Variants in STK4 observed in about 807,000 individuals in gnomAD.
STK4 encodes serine/threonine-protein kinase 4.
A neutral mutation model predicts 64.9 loss-of-function variants in STK4; 30 were observed. That is an observed-to-expected ratio of 0.46 (90% CI 0.35 to 0.63). STK4 has a LOEUF of 0.63. STK4 is among the 20% of genes least tolerant of loss of function. The probability of loss-of-function intolerance (pLI) is 0.01; values close to 1 mark genes in which losing one functional copy is unlikely to be tolerated. For missense variants in STK4, 466 were observed against 598.5 expected (o/e 0.78, Z 2.31); for synonymous variants, 177 against 199.0 (o/e 0.89, Z 0.93).
At chr20:44,978,945 T>A (rs1165846776) in intron 3 of STK4, among the ~76,000 whole-genome samples, 1 of 151,978 alleles carries the variant, frequency 6.6e-6, no homozygotes, top group Non-Finnish European at 1.5e-5. Flanking sequence ...ACTACAGGCA[T>A]GTGCCACTAC....
intron 10 of STK4, among the ~76,000 whole-genome samples, chr20:45,054,017 C>T (rs759254396): frequency 2.0e-5 from 3 of 151,920 alleles, no homozygotes; most frequent in African/African-American, 4.8e-5. Flanking sequence ...CTGGATTTTC[C>T]GTTTTGCAGA....
chr20:45,015,754 G>A (rs543462309), intron 9 of STK4, among the ~76,000 whole-genome samples: 5 of 152,086 alleles, frequency 3.3e-5, no homozygotes, highest in Admixed American at 6.5e-5. Flanking sequence ...TTGATCCTCA[G>A]TTTCCTTGTC....
intron 10 of STK4, among the ~76,000 whole-genome samples, chr20:45,054,633 C>T (rs1978327281): frequency 7.1e-6 from 1 of 141,326 alleles, no homozygotes; most frequent in Non-Finnish European, 1.5e-5. Flanking sequence ...GAACCTGATT[C>T]AATTTTGATT....
At chr20:45,004,776 T>C (rs1415747590) in intron 9 of STK4, among the ~76,000 whole-genome samples, 1 of 149,138 alleles carries the variant, frequency 6.7e-6, no homozygotes, top group Non-Finnish European at 1.5e-5. Flanking sequence ...TCTTTTTTCT[T>C]TTTTTTTTTT....
intron 9 of STK4, 24 bp downstream of exon 9, chr20:45,001,377 G>T (rs2067838652): frequency 6.3e-7 from 1 of 1,590,856 alleles, no homozygotes; most frequent in African/African-American, 1.3e-5. Context: ...TAAATTCACT[G>T]ACTTCTTAGA....
chr20:45,062,942 G>A lies in STK4; in HGVS notation c.1306-12076G>A, dbSNP rs193006525. Among the ~76,000 whole-genome samples the A allele has an allele frequency of 4.9e-3, 659 of 134,244 alleles. 8 individuals are homozygous for A. The highest frequency in any genetic ancestry group is 0.018 in the African/African-American group (627 of 35,086). 88.1% of individuals were successfully genotyped at this position (134,244 alleles called of 152,430 possible). On this transcript the variant is annotated intron_variant, in intron 10 of 10. Coordinates refer to ENST00000372806, the MANE Select transcript of STK4 (RefSeq NM_006282.5). ...CCTGACCTCGTGATCCGCCCGCCTC[G>A]GCCTCCCAAAGTGCTGGGATTACAG...
At chr20:45,066,648 G>A (rs974657652) in intron 10 of STK4, among the ~76,000 whole-genome samples, 1 of 152,170 alleles carries the variant, frequency 6.6e-6, no homozygotes, top group African/African-American at 2.4e-5. Context: ...TCTTTGTTTG[G>A]AATTTTGATA....
intron 1 of STK4, among the ~76,000 whole-genome samples, chr20:44,968,580 T>C (rs2067193514): frequency 1.3e-5 from 2 of 152,274 alleles, no homozygotes; most frequent in South Asian, 4.1e-4. Context: ...TGAACTATGT[T>C]CGTTCGTTCT....
chr20:45,052,320 GT>G (rs2068789260), intron 10 of STK4, among the ~76,000 whole-genome samples: 2 of 151,956 alleles, frequency 1.3e-5, no homozygotes. Flanking sequence ...TTTCCTTCCA[GT>G]TTTTTAATAC....
chr20:45,060,301 C>T (rs963450565), intron 10 of STK4, among the ~76,000 whole-genome samples: 6 of 152,090 alleles, frequency 3.9e-5, no homozygotes, highest in African/African-American at 7.2e-5. Flanking sequence ...TAAGTCTTTT[C>T]GTTTATTTAA....
intron 10 of STK4, among the ~76,000 whole-genome samples, chr20:45,032,023 C>T (rs1322792890): frequency 1.3e-5 from 2 of 151,724 alleles, no homozygotes; most frequent in Admixed American, 1.3e-4. Flanking sequence ...GTAAGTCATG[C>T]ACCTATATGA....
In STK4 at chr20:45,058,745, T is replaced by C. The variant is rs1034362707; in HGVS notation, c.1306-16273T>C. ...CTTTTCCTGAATTATTAAGCTGCATTAAAACAGTAGCTCGGTGCAGTTGGT... is the reference window on the plus strand; with the variant it reads ...CTTTTCCTGAATTATTAAGCTGCATCAAAACAGTAGCTCGGTGCAGTTGGT... On this transcript the variant is annotated intron_variant, in intron 10 of 10. Coordinates refer to ENST00000372806, the MANE Select transcript of STK4 (RefSeq NM_006282.5). 5.3e-5 allele frequency among the ~76,000 whole-genome samples: 8 copies of C among 152,204 alleles called. No individual in the cohort carries two copies. In the East Asian group the frequency reaches 1.5e-3, roughly 29 times the overall value.
At chr20:45,010,685 C>A (rs1052241993) in intron 9 of STK4, among the ~76,000 whole-genome samples, 4 of 152,204 alleles carry the variant, frequency 2.6e-5, no homozygotes, top group African/African-American at 9.7e-5. Flanking sequence ...GATTATACTA[C>A]TTCTAGCAGA....
At chr20:45,040,425 T>C (rs756409798) in intron 10 of STK4, among the ~76,000 whole-genome samples, 47 of 152,134 alleles carry the variant, frequency 3.1e-4, no homozygotes, top group Admixed American at 6.6e-4. Flanking sequence ...TAAAAATATT[T>C]GATCTGTTTC....
intron 10 of STK4, chr20:45,053,291 A>G (rs1260854695): frequency 5.8e-6 from 5 of 863,446 alleles, no homozygotes; most frequent in Non-Finnish European, 7.3e-6. Flanking sequence ...TGGCTTTGAG[A>G]GCAGGACTTA....
intron 10 of STK4, among the ~76,000 whole-genome samples, chr20:45,039,219 A>G (rs2068574280): frequency 3.3e-5 from 5 of 152,102 alleles, no homozygotes; most frequent in Admixed American, 3.3e-4. Flanking sequence ...ACTTTTACTC[A>G]CACATGATTT....
At chr20:44,971,159 A>G (rs2145628608) in intron 1 of STK4, among the ~76,000 whole-genome samples, 1 of 151,508 alleles carries the variant, frequency 6.6e-6, no homozygotes, top group Non-Finnish European at 1.5e-5. Flanking sequence ...TAAGCTCATT[A>G]GTAATTTTCA....
intron 2 of STK4, chr20:44,973,177 G>A (rs1448820105): frequency 6.6e-6 from 1 of 152,030 alleles, no homozygotes; most frequent in African/African-American, 2.4e-5. Flanking sequence ...ATTATTTTTT[G>A]GGTTTAGTAT....
At chr20:44,993,814 A>G (rs1035540829) in intron 5 of STK4, among the ~76,000 whole-genome samples, 6 of 152,156 alleles carry the variant, frequency 3.9e-5, no homozygotes, top group African/African-American at 1.4e-4. Context: ...CCTTGTCTCT[A>G]CTAAAAATAC....
Sources: gnomAD v4.1 joint callset for allele counts (sites outside exome capture counted in the v4.1 genomes callset) on GRCh38, gnomAD v4.1.1 for gene constraint, MANE v1.5 for transcripts, NCBI Gene and HGNC (gene_info 2026-07-23, HGNC 2026-07-21) for gene names.